KIF17: variants seen among roughly 807,000 people sequenced by gnomAD.
The protein encoded by KIF17 is kinesin family member 17.
In KIF17, 80 loss-of-function variants were observed where a neutral mutation model predicts 96.8. The observed-to-expected ratio is 0.83, with a 90% CI of 0.69 to 1.00. The LOEUF (loss-of-function observed/expected upper bound fraction) is 1.00, where lower values mean the gene tolerates loss of function less well. Ranked by LOEUF, KIF17 falls within the 50% of genes least tolerant of loss-of-function variation. KIF17 has a pLI of 0.00. For synonymous variants in KIF17, 567 were observed against 587.5 expected, an observed-to-expected ratio of 0.97 and a Z score of 0.51; for missense variants, 1,280 against 1,372.9, an observed-to-expected ratio of 0.93 and a Z score of 1.07.
In KIF17 at chr1:20,708,320, T is replaced by G. The variant is rs147014230; in HGVS notation, c.670+1319A>C. Among the ~76,000 whole-genome samples the G allele has an allele frequency of 3.9e-3, 591 of 152,294 alleles. 4 individuals carry two copies. Among genetic ancestry groups the G allele is most frequent in the Non-Finnish European group, 6.3e-3 (426 of 68,020 alleles). On this transcript the variant is annotated intron_variant, in intron 4 of 14. Coordinates refer to ENST00000400463, the MANE Select transcript of KIF17 (RefSeq NM_001122819.3). Reference sequence around the variant, plus strand: ...TGGGCAATGCGTCCAGGAGGTTCCATCTACTCAGGCCTTGACCCTGGGTAG... The same window carrying G: ...TGGGCAATGCGTCCAGGAGGTTCCAGCTACTCAGGCCTTGACCCTGGGTAG...
chr1:20,669,693 G>A (rs1405181149), intron 13 of KIF17, among the ~76,000 whole-genome samples: 6 of 149,270 alleles, frequency 4.0e-5, no homozygotes, highest in Non-Finnish European at 5.9e-5. Flanking sequence ...CCAACCCGGT[G>A]AAACTCTGTC....
Position 20,704,899 on chromosome 1 carries a change from T to C in KIF17, c.671A>G (p.Asp224Gly). 1 of 1,599,744 alleles carries C rather than the reference T, an allele frequency of 6.3e-7. No individual in the cohort carries two copies. The highest frequency in any genetic ancestry group is 8.5e-7 in the Non-Finnish European group (1 of 1,179,788). The change falls in exon 5 of 15, where the codon GAT becomes GGT. Residue 224 changes from aspartate (D) to glycine (G), a missense_variant and splice_region_variant. Physicochemically the swap from Asp to Gly is moderately conservative, Grantham distance 94 (BLOSUM62 -1). Coordinates refer to ENST00000400463, the MANE Select transcript of KIF17 (RefSeq NM_001122819.3). The surrounding 1 kb of genome is among the most constrained non-coding windows in gnomAD (Gnocchi z 6.8). Reference protein sequence around the residue: ...FTISIEMSAVDERGKDHLRAG... With the variant: ...FTISIEMSAVGERGKDHLRAG... ...CCGGAGGTGGTCCTTGCCCCGCTCA[T>C]CTGCACACAGACCAGGCAAAGTGGC...
chr1:20,690,360 G>T, intron 6 of KIF17, 25 bp from the exon 7 acceptor site: 1 of 1,584,318 alleles, frequency 6.3e-7, no homozygotes, highest in South Asian at 1.1e-5. Flanking sequence ...GGGACCAGAG[G>T]GCAGGCAGCA....
At position 20,682,640 on chromosome 1, in the gene KIF17, A is replaced by G; in HGVS notation, c.2463+13T>C. The G allele has an allele frequency of 6.2e-7, 1 of 1,612,884 alleles. No homozygotes were observed. Among genetic ancestry groups the G allele is most frequent in the East Asian group, 2.2e-5 (1 of 44,878 alleles). ...TGGGCAGCTGGGCATGGGGGGCTGC[A>G]TCTGGGCCTCACCTTCCTCTGCATC... On this transcript the variant is annotated intron_variant, in intron 11 of 14. Coordinates refer to ENST00000400463, the MANE Select transcript of KIF17 (RefSeq NM_001122819.3).
At chr1:20,701,639 A>G (rs1470517488) in intron 5 of KIF17, among the ~76,000 whole-genome samples, 1 of 151,746 alleles carries the variant, frequency 6.6e-6, no homozygotes, top group Non-Finnish European at 1.5e-5. Flanking sequence ...AACTGAGGAG[A>G]GGTGGGTGGG....
intron 10 of KIF17, 74 bp from the exon 11 acceptor site, chr1:20,682,958 A>G (rs2053859138): frequency 2.2e-6 from 3 of 1,362,414 alleles, no homozygotes; most frequent in South Asian, 2.4e-5. Flanking sequence ...AGCAGGCTCC[A>G]GGCTATGCGT....
At chr1:20,676,818 G>A (rs543583505) in intron 11 of KIF17, among the ~76,000 whole-genome samples, 9 of 152,118 alleles carry the variant, frequency 5.9e-5, no homozygotes, top group South Asian at 2.1e-4. Context: ...GCAAAAGAAC[G>A]AAACTCCATC....
chr1:20,704,883 G>C lies in KIF17; in HGVS notation c.687C>G (p.Asp229Glu). 1 of 1,600,736 alleles carries C rather than the reference G, an allele frequency of 6.2e-7. No individual in the cohort carries two copies. Among genetic ancestry groups the C allele is most frequent in the Non-Finnish European group, 8.5e-7 (1 of 1,179,874 alleles). Residue 229 changes from aspartate (D) to glutamate (E), a missense_variant, in exon 5 of 15, where the codon GAC becomes GAG. Asp to Glu is a conservative substitution (Grantham distance 45, BLOSUM62 2). Transcript: ENST00000400463. The surrounding 1 kb of genome is among the most constrained non-coding windows in gnomAD (Gnocchi z 6.8). ...GGTTCAGCTTGCCCGCCCGGAGGTG[G>C]TCCTTGCCCCGCTCATCTGCACACA... ...EMSAVDERGK[D>E]HLRAGKLNLV...
At chr1:20,668,486 G>C (rs1200628291) in intron 13 of KIF17, among the ~76,000 whole-genome samples, 8 of 152,140 alleles carry the variant, frequency 5.3e-5, no homozygotes, top group Non-Finnish European at 1.2e-4. Flanking sequence ...ACCTCTTTGT[G>C]GTCCCAGATT....
intron 5 of KIF17, among the ~76,000 whole-genome samples, chr1:20,703,930 CAA>C (rs5772915): frequency 3.3e-4 from 47 of 141,740 alleles, no homozygotes; most frequent in Non-Finnish European, 4.5e-4. Flanking sequence ...GACTCCGTCT[CAA>C]AAAAAAAAAA....
chr1:20,672,017 C>T lies in KIF17; in HGVS notation c.2643G>A (p.Leu881=), dbSNP rs1440979178. The change falls in exon 12 of 15, where the codon CTG becomes CTA. Residue 881 remains leucine, a synonymous_variant. Transcript: ENST00000400463. The surrounding 1 kb of genome is among the most constrained non-coding windows in gnomAD (Gnocchi z 4.3). Reference sequence around the variant, plus strand: ...TATCTTCGTCCCAGCAGGACTCACGCAGAATCTTCTCCAGGTTGCTGTAGT... The same window carrying T: ...TATCTTCGTCCCAGCAGGACTCACGTAGAATCTTCTCCAGGTTGCTGTAGT... The part of the protein sequence containing the change: ...DCNYSNLEKI[L]RESCWDEDNG... 7 of 1,614,044 alleles carry T rather than the reference C, an allele frequency of 4.3e-6. No individual in the cohort carries two copies. Among genetic ancestry groups the T allele is most frequent in the Non-Finnish European group, 5.9e-6 (7 of 1,180,056 alleles).
chr1:20,706,974 T>C (rs1316140143), intron 4 of KIF17, among the ~76,000 whole-genome samples: 1 of 151,768 alleles, frequency 6.6e-6, no homozygotes, highest in Non-Finnish European at 1.5e-5. Flanking sequence ...CGTGTGCCTG[T>C]TGTCCCAGCT....
In KIF17 at chr1:20,709,887, G is replaced by A. The variant is rs1054015242; in HGVS notation, c.481-59C>T. The A allele has an allele frequency of 7.3e-6, 11 of 1,500,600 alleles. No individual in the cohort carries two copies. The South Asian group carries it at 1.1e-4, about 15-fold the overall frequency. 93.0% of individuals were successfully genotyped at this position (1,500,600 alleles called of 1,614,324 possible). A position where few individuals can be genotyped will look rare whatever the true frequency, so the allele number is the denominator to read the frequency against. ...CCAGCCGCCAAGGGTTAGGACCAGG[G>A]ATGGTCAAGGAACCAGAGAGAAGGG... On this transcript the variant is annotated intron_variant, in intron 3 of 14. Transcript: ENST00000400463. This position sits in a 1 kb window ranked among gnomAD's most constrained non-coding sequence, Gnocchi z 4.7.
At chr1:20,711,729 A>G (rs939567724) in intron 3 of KIF17, among the ~76,000 whole-genome samples, 4 of 152,096 alleles carry the variant, frequency 2.6e-5, no homozygotes, top group African/African-American at 4.8e-5. Context: ...TGCTGGCCTT[A>G]GGTGATGTAA....
intron 2 of KIF17, among the ~76,000 whole-genome samples, chr1:20,714,815 A>AT (rs1208170087): frequency 2.0e-5 from 3 of 151,194 alleles, no homozygotes; most frequent in Non-Finnish European, 4.4e-5. Flanking sequence ...AAAAAAAAAA[A>AT]CACCTGAGGC....
At position 20,698,399 on chromosome 1, in the gene KIF17, C is replaced by G. The variant is rs199771446; in HGVS notation, c.1213G>C (p.Glu405Gln). The G allele has an allele frequency of 2.5e-6, 4 of 1,613,616 alleles. No individual in the cohort carries two copies. The highest frequency in any genetic ancestry group is 3.4e-6 in the Non-Finnish European group (4 of 1,179,712). ...QPVIQHDVEAEKQLIREEYEE... is the reference protein window; with the variant it reads ...QPVIQHDVEAQKQLIREEYEE... ...CTCACCTCCCGGATCAGCTGCTTCTCGGCCTCCACGTCATGCTGGATCACA... is the reference window on the plus strand; with the variant it reads ...CTCACCTCCCGGATCAGCTGCTTCTGGGCCTCCACGTCATGCTGGATCACA... The change falls in exon 6 of 15, where the codon GAG becomes CAG. Residue 405 changes from glutamate (E) to glutamine (Q), a missense_variant. Transcript: ENST00000400463.
At chr1:20,670,160 T>C (rs138556573) in intron 13 of KIF17, among the ~76,000 whole-genome samples, 56 of 152,178 alleles carry the variant, frequency 3.7e-4, no homozygotes, top group African/African-American at 1.3e-3. Context: ...GTCTCTGTCC[T>C]TCACCGGCAA....
intron 11 of KIF17, among the ~76,000 whole-genome samples, chr1:20,681,517 C>A (rs2053830244): frequency 6.7e-6 from 1 of 148,166 alleles, no homozygotes. Flanking sequence ...TTATGCTTGG[C>A]AAGATCCTTA....
At position 20,685,139 on chromosome 1, in the gene KIF17, C is replaced by A; in HGVS notation, c.2020-119G>T. 1 of 786,348 alleles carries A rather than the reference C, an allele frequency of 1.3e-6. No homozygotes were observed. 48.7% of individuals were successfully genotyped at this position (786,348 alleles called of 1,614,324 possible). A position where few individuals can be genotyped will look rare whatever the true frequency, so the allele number is the denominator to read the frequency against. On this transcript the variant is annotated intron_variant, in intron 9 of 14. Coordinates refer to ENST00000400463, the MANE Select transcript of KIF17 (RefSeq NM_001122819.3). The surrounding 1 kb of genome is among the most constrained non-coding windows in gnomAD (Gnocchi z 4.1). ...CGCCTGCTGCAGCCCCGACAGATCA[C>A]CTCCAGCTCAGGGACACCAGTGACA... is the stretch of plus-strand genomic sequence containing the variant.
Sources: gnomAD v4.1 joint callset for allele counts (sites outside exome capture counted in the v4.1 genomes callset) on GRCh38, gnomAD v4.1.1 for gene constraint, Gnocchi (gnomAD v3.1) non-coding constraint, MANE v1.5 for transcripts, NCBI Gene and HGNC (gene_info 2026-07-23, HGNC 2026-07-21) for gene names.